HTT: variants seen among roughly 807,000 people sequenced by gnomAD.
HTT encodes huntingtin, also known as huntington disease protein.
A neutral mutation model predicts 362.3 loss-of-function variants in HTT; 104 were observed. That is an observed-to-expected ratio of 0.29 (90% confidence interval 0.24 to 0.34). The LOEUF (loss-of-function observed/expected upper bound fraction) is 0.34, where lower values mean the gene tolerates loss of function less well. Among genes scored for constraint, HTT ranks in the 10% least tolerant of loss-of-function variants. The pLI is 1.00. For synonymous variants in HTT, 1,577 were observed against 1,548.7 expected, an observed-to-expected ratio of 1.02 and a Z score of -0.43; for missense variants, 3,301 against 3,928.6, an observed-to-expected ratio of 0.84 and a Z score of 4.27.
At chr4:3,220,383 G>T in intron 53 of HTT, 75 bp downstream of exon 53, 2 of 1,440,662 alleles carry the variant, frequency 1.4e-6, no homozygotes, top group South Asian at 2.4e-5. Flanking sequence ...CCCCAGTACT[G>T]GGATCTTCTC....
chr4:3,090,811 T>C (rs6812468), intron 2 of HTT, among the ~76,000 whole-genome samples: 33 of 152,202 alleles, frequency 2.2e-4, no homozygotes, highest in Non-Finnish European at 4.3e-4. Flanking sequence ...TTGCAAAGAA[T>C]ATCTCAAAAT....
intron 55 of HTT, 114 bp downstream of exon 55, chr4:3,223,674 G>A: frequency 2.0e-6 from 2 of 976,158 alleles, no homozygotes; most frequent in Middle Eastern, 2.2e-4. Flanking sequence ...TGCTAGAATT[G>A]AAAACACCGT....
intron 60 of HTT, 130 bp downstream of exon 60, chr4:3,230,172 C>T (rs1164406961): frequency 2.8e-5 from 20 of 710,666 alleles, no homozygotes; most frequent in Admixed American, 1.1e-4. Context: ...CCGGACTCCA[C>T]GGCCCACGTG....
Position 3,208,819 on chromosome 4 carries a change from A to G in HTT, c.6199A>G (p.Met2067Val). The change falls in exon 46 of 67, where the codon ATG becomes GTG. Residue 2067 changes from methionine to valine, a missense_variant. Physicochemically the swap from Met to Val is conservative, Grantham distance 21. Coordinates refer to ENST00000355072, the MANE Select transcript of HTT (RefSeq NM_001388492.1). ...SLLDRFRLST[M>V]QDSLSPSPPV... ...GCTGGACAGGTTTCGTCTCTCCACCATGCAAGACTCACTTAGTCCCTCTCC... is the reference window on the plus strand; with the variant it reads ...GCTGGACAGGTTTCGTCTCTCCACCGTGCAAGACTCACTTAGTCCCTCTCC... 1 of 1,614,036 alleles carries G rather than the reference A, an allele frequency of 6.2e-7. No homozygotes were observed. The highest frequency in any genetic ancestry group is 8.5e-7 in the Non-Finnish European group (1 of 1,180,004).
chr4:3,208,603 A>T (rs363088), intron 45 of HTT, among the ~76,000 whole-genome samples, 170 bp from the exon 46 acceptor site: 36,298 of 152,112 alleles, frequency 0.24, 5,572 homozygotes, highest in East Asian at 0.39. Context: ...TGATGAGAAG[A>T]TAGCTGTGAA....
rs1025457096 is a variant in HTT at position 3,174,833 on chromosome 4, G to A, written c.4245+34G>A. 11 of 1,600,508 alleles carry A rather than the reference G, an allele frequency of 6.9e-6. No individual in the cohort carries two copies. The East Asian group carries it at 2.0e-4, about 29-fold the overall frequency. On this transcript the variant is annotated intron_variant, in intron 32 of 66. Transcript: ENST00000355072. ...TGCCGTTTGTGGCATGTGAACTCAG[G>A]CGTGTCAGTGCTAGAGAGGAAACTG...
chr4:3,075,797 C>T lies in HTT; in HGVS notation c.263+709C>T, dbSNP rs1277956299. ...GGTGGTAGTAACACGATTTTAAGCA[C>T]CACCTAAGAGATCTGCTCATCTAAG... On this transcript the variant is annotated intron_variant, in intron 1 of 66. Coordinates refer to ENST00000355072, the MANE Select transcript of HTT (RefSeq NM_001388492.1). Among the ~76,000 whole-genome samples the T allele has an allele frequency of 5.9e-5, 9 of 152,220 alleles. No homozygotes were observed. The East Asian group carries it at 1.5e-3, about 26-fold the overall frequency.
At chr4:3,191,759 T>C (rs188490468) in intron 40 of HTT, among the ~76,000 whole-genome samples, 5 of 152,232 alleles carry the variant, frequency 3.3e-5, no homozygotes, top group Admixed American at 1.3e-4. Flanking sequence ...GTAATTCAGA[T>C]TGTTAGGAGG....
intron 1 of HTT, among the ~76,000 whole-genome samples, chr4:3,081,761 T>G (rs1250448136): frequency 1.3e-5 from 2 of 151,912 alleles, no homozygotes; most frequent in Non-Finnish European, 2.9e-5. Context: ...TTCTCCATGT[T>G]GGTCAGGCTG....
chr4:3,103,221 A>ATTTTT (rs748779241), intron 3 of HTT, among the ~76,000 whole-genome samples: 2 of 109,066 alleles, frequency 1.8e-5, no homozygotes, highest in Admixed American at 1.1e-4. Flanking sequence ...TATATATATA[A>ATTTTT]TTTTTTTTTT....
intron 8 of HTT, among the ~76,000 whole-genome samples, chr4:3,118,280 T>A (rs1395068742): frequency 6.6e-6 from 1 of 152,210 alleles, no homozygotes. Flanking sequence ...AACTATATGC[T>A]CAATTTTTTT....
intron 36 of HTT, among the ~76,000 whole-genome samples, 194 bp from the exon 37 acceptor site, chr4:3,182,160 T>C (rs1718553196): frequency 6.6e-6 from 1 of 152,200 alleles, no homozygotes; most frequent in Non-Finnish European, 1.5e-5. Flanking sequence ...GAACTTGTGT[T>C]TCGTTCTGAT....
chr4:3,239,912 C>T lies in HTT; in HGVS notation c.9282C>T (p.Val3094=), dbSNP rs370604707. ...EQVDVNLFCL[V]ATDFYRHQIE... ...TGGACGTGAACCTTTTCTGCCTGGTCGCCACAGACTTCTACAGACACCAGA... is the reference window on the plus strand; with the variant it reads ...TGGACGTGAACCTTTTCTGCCTGGTTGCCACAGACTTCTACAGACACCAGA... Residue 3094 remains valine, a synonymous_variant, in exon 67 of 67, where the codon GTC becomes GTT. Coordinates refer to ENST00000355072, the MANE Select transcript of HTT (RefSeq NM_001388492.1). 16 of 1,575,444 alleles carry T rather than the reference C, an allele frequency of 1.0e-5. No individual in the cohort carries two copies. Among genetic ancestry groups the T allele is most frequent in the Middle Eastern group, 1.7e-4 (1 of 6,036 alleles).
At chr4:3,230,116 C>T in intron 60 of HTT, 74 bp downstream of exon 60, 2 of 1,338,992 alleles carry the variant, frequency 1.5e-6, no homozygotes, top group Non-Finnish European at 2.1e-6. Context: ...CTGGTGTTGG[C>T]CAGAGGTGCC....
At chr4:3,210,283 C>T (rs916888307) in intron 47 of HTT, among the ~76,000 whole-genome samples, 17 of 152,312 alleles carry the variant, frequency 1.1e-4, no homozygotes, top group African/African-American at 2.9e-4. Flanking sequence ...CTGGCCTCCA[C>T]TGGAGGAACA....
rs184872333 is a variant in HTT, at chr4:3,164,876, A to G, written c.3864+4484A>G. Among the ~76,000 whole-genome samples, 18 of 152,134 alleles carry G rather than the reference A, an allele frequency of 1.2e-4. 1 individual carries two copies. In the East Asian group the frequency reaches 2.7e-3, roughly 23 times the overall value. ...CCAATGGGTCTTGACTCTTTATCCA[A>G]TTTGCCAGTCTGTGTCTTTTAATTG... On this transcript the variant is annotated intron_variant, in intron 29 of 66. Transcript: ENST00000355072.
chr4:3,178,545 T>G (rs1460199042), intron 35 of HTT, 99 bp downstream of exon 35: 1 of 1,047,528 alleles, frequency 9.5e-7, no homozygotes, highest in African/African-American at 1.6e-5. Context: ...GTGGCAGCCA[T>G]GTGCTTCTCA....
chr4:3,083,793 C>T (rs1427442638), intron 1 of HTT, among the ~76,000 whole-genome samples: 1 of 152,066 alleles, frequency 6.6e-6, no homozygotes, highest in Non-Finnish European at 1.5e-5. Flanking sequence ...GGGCATTAAT[C>T]CTAGAGAAAT....
chr4:3,239,773 G>A (rs559317028), intron 66 of HTT, 73 bp from the exon 67 acceptor site: 2 of 1,233,790 alleles, frequency 1.6e-6, no homozygotes, highest in Middle Eastern at 2.6e-4. Flanking sequence ...TTTCAGGAGA[G>A]GAACTCCCAG....
Sources: gnomAD v4.1 joint callset for allele counts (sites outside exome capture counted in the v4.1 genomes callset) on GRCh38, gnomAD v4.1.1 for gene constraint, MANE v1.5 for transcripts, NCBI Gene and HGNC (gene_info 2026-07-23, HGNC 2026-07-21) for gene names.